CSMD3: variants seen among roughly 807,000 people sequenced by gnomAD.
The protein encoded by CSMD3 is CUB and Sushi multiple domains 3.
In CSMD3, 177 loss-of-function variants were observed where a neutral mutation model predicts 435.2. The ratio of observed to expected loss-of-function variants is 0.41; its 90% confidence interval spans 0.36 to 0.46. The LOEUF (loss-of-function observed/expected upper bound fraction) is 0.46, where lower values mean the gene tolerates loss of function less well. Ranked by LOEUF, CSMD3 falls within the 20% of genes least tolerant of loss-of-function variation. CSMD3 has a pLI of 0.34. For missense variants in CSMD3, 4,265 were observed against 4,504.6 expected (o/e 0.95, Z 1.52); for synonymous variants, 1,656 against 1,520.5 (o/e 1.09, Z -2.07).
At chr8:112,878,770 T>C (rs1253476616) in intron 10 of CSMD3, among the ~76,000 whole-genome samples, 1 of 151,832 alleles carries the variant, frequency 6.6e-6, no homozygotes, top group Non-Finnish European at 1.5e-5. Context: ...TTGCTGGGTG[T>C]TGCAGGAAGT....
Position 112,448,323 on chromosome 8 carries a change from C to G in CSMD3, c.5395+24268G>C, listed in dbSNP as rs1815859094. Among the ~76,000 whole-genome samples the G allele has an allele frequency of 2.0e-5, 3 of 152,268 alleles. No individual in the cohort carries two copies. In the South Asian group the frequency reaches 6.2e-4, roughly 32 times the overall value. On this transcript the variant is annotated intron_variant, in intron 32 of 70. Transcript: ENST00000297405. ...TCACCTCTTTAAAGGCCCTATCCCC[C>G]AGTTCCATGGGGGATTAGAGCTTCC... is the stretch of plus-strand genomic sequence containing the variant.
At chr8:113,097,761 T>G (rs2131541820) in intron 5 of CSMD3, among the ~76,000 whole-genome samples, 1 of 152,158 alleles carries the variant, frequency 6.6e-6, no homozygotes, top group Admixed American at 6.6e-5. Flanking sequence ...ACTTAACCTT[T>G]CCTCAACAAT....
intron 4 of CSMD3, among the ~76,000 whole-genome samples, chr8:113,156,732 CTAAATAAATAAATAAATAAA>C (rs34302914): frequency 5.7e-5 from 6 of 105,742 alleles, no homozygotes; most frequent in African/African-American, 1.8e-4. Context: ...AAAATCTCAC[CTAAATAAATAAATAAATAAA>C]TAAATAAATA....
intron 23 of CSMD3, among the ~76,000 whole-genome samples, chr8:112,579,996 T>C (rs1830226045): frequency 6.6e-6 from 1 of 152,066 alleles, no homozygotes; most frequent in Non-Finnish European, 1.5e-5. Flanking sequence ...TGGAATAGAA[T>C]AAATTCTTTT....
intron 24 of CSMD3, among the ~76,000 whole-genome samples, chr8:112,567,892 T>C (rs1014826567): frequency 6.6e-6 from 1 of 152,186 alleles, no homozygotes; most frequent in African/African-American, 2.4e-5. Context: ...TATTGGTTCC[T>C]CCTCACAGGG....
intron 24 of CSMD3, among the ~76,000 whole-genome samples, chr8:112,565,036 A>G (rs1042994209): frequency 1.3e-5 from 2 of 152,124 alleles, no homozygotes; most frequent in Non-Finnish European, 2.9e-5. Flanking sequence ...TGTGAAGGCT[A>G]TGAAAATAAT....
chr8:112,861,473 A>G (rs957396664), intron 10 of CSMD3, among the ~76,000 whole-genome samples: 1 of 151,818 alleles, frequency 6.6e-6, no homozygotes, highest in Non-Finnish European at 1.5e-5. Context: ...TTGATTTACC[A>G]TACTCTTTAT....
At chr8:112,915,577 C>G (rs948157143) in intron 10 of CSMD3, among the ~76,000 whole-genome samples, 2 of 151,600 alleles carry the variant, frequency 1.3e-5, no homozygotes. Context: ...ATTGTTTAAA[C>G]TCAACATATT....
Position 112,241,799 on chromosome 8 carries a change from T to C in CSMD3, c.10403-14A>G, listed in dbSNP as rs770866755. 9.4e-6 allele frequency: 15 copies of C among 1,594,406 alleles called. No homozygotes were observed. Among genetic ancestry groups the C allele is most frequent in the East Asian group, 4.5e-5 (2 of 44,738 alleles). On this transcript the variant is annotated splice_polypyrimidine_tract_variant and intron_variant, in intron 65 of 70. Transcript: ENST00000297405. ...TTTTAGAACCAGCTATGAAAAGAAA[T>C]AAAGGTGTTTACAAAAGTTGATGCA...
In CSMD3 at chr8:112,320,838, G is replaced by A. The variant is rs570238847; in HGVS notation, c.7166-857C>T. On this transcript the variant is annotated intron_variant, in intron 45 of 70. Coordinates refer to ENST00000297405, the MANE Select transcript of CSMD3 (RefSeq NM_198123.2). Reference sequence around the variant, plus strand: ...GCTGAGATTTGAACCTAGATAGCCTGGCTCCAGAGCCTTGTCTTGCCATGC... The same window carrying A: ...GCTGAGATTTGAACCTAGATAGCCTAGCTCCAGAGCCTTGTCTTGCCATGC... Among the ~76,000 whole-genome samples the A allele has an allele frequency of 2.6e-5, 4 of 152,244 alleles. No individual in the cohort carries two copies. In the East Asian group the frequency reaches 7.8e-4, roughly 30 times the overall value.
chr8:112,614,850 C>T (rs1833539785), intron 22 of CSMD3, among the ~76,000 whole-genome samples: 2 of 151,994 alleles, frequency 1.3e-5, no homozygotes, highest in Non-Finnish European at 2.9e-5. Context: ...ATAAATGCTA[C>T]CTTTTACTCT....
chr8:113,373,573 T>C (rs151140714), intron 1 of CSMD3, among the ~76,000 whole-genome samples: 25 of 152,146 alleles, frequency 1.6e-4, no homozygotes, highest in African/African-American at 5.8e-4. Context: ...CATTTACATA[T>C]GAAATAAAGA....
chr8:112,348,716 G>T (rs982552457), intron 40 of CSMD3, among the ~76,000 whole-genome samples: 10 of 152,034 alleles, frequency 6.6e-5, no homozygotes, highest in African/African-American at 2.4e-4. Context: ...GACCAACATG[G>T]TGAAACCCCA....
chr8:113,403,897 A>T (rs542952801), intron 1 of CSMD3, among the ~76,000 whole-genome samples: 18 of 151,592 alleles, frequency 1.2e-4, no homozygotes, highest in African/African-American at 4.3e-4. Flanking sequence ...ATCGTATTTT[A>T]TGAGTCACTC....
At chr8:112,643,972 A>G (rs1037689773) in intron 20 of CSMD3, among the ~76,000 whole-genome samples, 1 of 151,940 alleles carries the variant, frequency 6.6e-6, no homozygotes, top group African/African-American at 2.4e-5. Context: ...TCTCATTGCT[A>G]AAAGTATTTT....
chr8:112,513,726 G>A (rs1487641588), intron 28 of CSMD3, among the ~76,000 whole-genome samples: 3 of 152,258 alleles, frequency 2.0e-5, no homozygotes, highest in African/African-American at 7.2e-5. Flanking sequence ...GCAATAAAGT[G>A]AACTGTAATA....
At chr8:112,525,770 ATTTATATGTGTG>A (rs1824841723) in intron 27 of CSMD3, among the ~76,000 whole-genome samples, 1 of 140,528 alleles carries the variant, frequency 7.1e-6, no homozygotes, top group Non-Finnish European at 1.5e-5. Context: ...ATATATATAT[ATTTATATGTGTG>A]TGTATATATA....
At chr8:113,174,035 T>G (rs935459595) in intron 3 of CSMD3, 119 bp from the exon 4 acceptor site, 1 of 750,744 alleles carries the variant, frequency 1.3e-6, no homozygotes. Flanking sequence ...GAAGAGTCAC[T>G]GAAAGGAACT....
chr8:112,897,476 A>C (rs1438574031), intron 10 of CSMD3, among the ~76,000 whole-genome samples: 1 of 151,288 alleles, frequency 6.6e-6, no homozygotes, highest in African/African-American at 2.4e-5. Context: ...GTATGATTCT[A>C]TTTGTTCCTG....
Sources: allele counts gnomAD v4.1 joint callset (sites outside exome capture counted in the v4.1 genomes callset), GRCh38; gene constraint gnomAD v4.1.1; transcripts MANE v1.5; gene names NCBI Gene and HGNC (gene_info 2026-07-23, HGNC 2026-07-21).